JARID2: variants seen among roughly 807,000 people sequenced by gnomAD.
JARID2 encodes jumonji and AT-rich interaction domain containing 2.
Under a neutral mutation model 125.6 loss-of-function variants are expected in JARID2, and 21 were observed. That is an observed-to-expected ratio of 0.17 (90% CI 0.12 to 0.24). The LOEUF (loss-of-function observed/expected upper bound fraction) is 0.24. Ranked by LOEUF, JARID2 falls within the 10% of genes least tolerant of loss-of-function variation. The pLI is 1.00. For synonymous variants in JARID2, 736 were observed against 661.6 expected (o/e 1.11, Z -1.73); for missense variants, 1,303 against 1,639.6 (o/e 0.79, Z 3.55).
At chr6:15,519,081 G>A (rs749402914) in intron 17 of JARID2, among the ~76,000 whole-genome samples, 2 of 152,222 alleles carry the variant, frequency 1.3e-5, no homozygotes, top group Non-Finnish European at 2.9e-5. Context: ...AGCCTAGTGT[G>A]AGAGCACTGG....
At chr6:15,432,537 T>C (rs1767013525) in intron 3 of JARID2, among the ~76,000 whole-genome samples, 1 of 152,202 alleles carries the variant, frequency 6.6e-6, no homozygotes. Flanking sequence ...TCAGTAGCAC[T>C]GGTTGCAGAA....
chr6:15,487,402 C>A lies in JARID2; in HGVS notation c.766C>A (p.His256Asn), dbSNP rs751710718. 4 of 1,614,264 alleles carry A rather than the reference C, an allele frequency of 2.5e-6. 1 individual carries two copies. The highest frequency in any genetic ancestry group is 2.5e-6 in the Non-Finnish European group (3 of 1,180,048). ...ATPAKEKHSD[H>N]RADSRREQAS... Reference sequence around the variant, plus strand: ...TCCCGCAAAGGAGAAGCACAGCGATCACCGGGCTGACAGCCGCCGGGAGCA... The same window carrying A: ...TCCCGCAAAGGAGAAGCACAGCGATAACCGGGCTGACAGCCGCCGGGAGCA... Residue 256 changes from histidine (H) to asparagine (N), a missense_variant, in exon 6 of 18, where the codon CAC (histidine) becomes AAC (asparagine). His to Asn is a moderately conservative substitution (Grantham distance 68). Transcript: ENST00000341776.
At chr6:15,446,753 A>G (rs1767686471) in intron 3 of JARID2, among the ~76,000 whole-genome samples, 1 of 152,322 alleles carries the variant, frequency 6.6e-6, no homozygotes, top group Admixed American at 6.5e-5. Context: ...GATTTTGGTT[A>G]TGAATGAGGG....
chr6:15,471,548 G>A (rs1486958170), intron 5 of JARID2, among the ~76,000 whole-genome samples: 1 of 152,172 alleles, frequency 6.6e-6, no homozygotes, highest in African/African-American at 2.4e-5. Context: ...GATTGGGCAG[G>A]TGAATTTATC....
chr6:15,509,170 G>C, intron 12 of JARID2: 1 of 1,283,054 alleles, frequency 7.8e-7, no homozygotes, highest in East Asian at 5.6e-5. Context: ...CTGTAATCCT[G>C]ACTCTCACTG....
chr6:15,509,105 C>T, intron 12 of JARID2: 1 of 1,289,114 alleles, frequency 7.8e-7, no homozygotes, highest in Non-Finnish European at 1.0e-6. Context: ...TTCTGGGTCC[C>T]CGCCTGTAAT....
chr6:15,396,413 A>G (rs977368178), intron 2 of JARID2, among the ~76,000 whole-genome samples: 14 of 152,314 alleles, frequency 9.2e-5, no homozygotes, highest in Admixed American at 7.8e-4. Flanking sequence ...AATCATAGCT[A>G]TGTGTACTAT....
intron 1 of JARID2, among the ~76,000 whole-genome samples, chr6:15,295,270 C>G (rs1411692079): frequency 6.6e-6 from 1 of 151,712 alleles, no homozygotes; most frequent in Non-Finnish European, 1.5e-5. Context: ...TACAGGCGCC[C>G]GCCAACACGC....
intron 2 of JARID2, among the ~76,000 whole-genome samples, chr6:15,376,483 A>C (rs1764359035): frequency 6.6e-6 from 1 of 152,146 alleles, no homozygotes; most frequent in South Asian, 2.1e-4. Flanking sequence ...TGAAAGGCCG[A>C]GGAGGGAGGA....
intron 17 of JARID2, 36 bp from the exon 18 acceptor site, chr6:15,520,033 G>T (rs1239597679): frequency 1.3e-6 from 2 of 1,577,428 alleles, no homozygotes; most frequent in African/African-American, 2.7e-5. Flanking sequence ...TGTTAATACG[G>T]TATGTTAACT....
chr6:15,513,190 G>A, intron 15 of JARID2, 49 bp from the exon 16 acceptor site: 1 of 1,558,646 alleles, frequency 6.4e-7, no homozygotes, highest in Non-Finnish European at 8.7e-7. Context: ...CTGCTGGTGA[G>A]CATGGCAGGC....
intron 1 of JARID2, among the ~76,000 whole-genome samples, chr6:15,254,857 T>TG (rs1377927214): frequency 6.6e-6 from 1 of 151,884 alleles, no homozygotes; most frequent in African/African-American, 2.4e-5. Flanking sequence ...CTGGCCAACA[T>TG]GGTGAAACTC....
chr6:15,452,763 A>G (rs1767979244), intron 4 of JARID2, among the ~76,000 whole-genome samples: 1 of 152,192 alleles, frequency 6.6e-6, no homozygotes, highest in East Asian at 1.9e-4. Context: ...GTTATTTGTG[A>G]AAGTGTTTGT....
intron 1 of JARID2, among the ~76,000 whole-genome samples, chr6:15,295,104 ATTTCTTTTTTTTTTC>A (rs1479373165): frequency 7.0e-5 from 10 of 143,180 alleles, no homozygotes; most frequent in East Asian, 2.1e-4. Flanking sequence ...CAGATGTGTC[ATTTCTTTTTTTTTTC>A]TTTCTTTTTT....
At chr6:15,520,047 T>C (rs1216703250) in intron 17 of JARID2, 22 bp from the exon 18 acceptor site, 2 of 1,603,244 alleles carry the variant, frequency 1.2e-6, no homozygotes, top group Middle Eastern at 1.7e-4. Context: ...GTTAACTGTG[T>C]CTTCCTTTCA....
Position 15,322,483 on chromosome 6 carries a change from A to G in JARID2, c.46-51634A>G, listed in dbSNP as rs955715211. 1.8e-4 allele frequency among the ~76,000 whole-genome samples: 27 copies of G among 152,198 alleles called. 1 individual carries two copies. The highest frequency in any genetic ancestry group is 1.0e-3 in the Admixed American group (16 of 15,280). ...ATACACTGGCTAGGTGTGTGCTTTT[A>G]AGTAACATTCTTCTCTGATTCCTTT... On this transcript the variant is annotated intron_variant, in intron 1 of 17. Coordinates refer to ENST00000341776, the MANE Select transcript of JARID2 (RefSeq NM_004973.4).
intron 1 of JARID2, among the ~76,000 whole-genome samples, chr6:15,292,971 C>T (rs1423716931): frequency 6.6e-6 from 1 of 152,212 alleles, no homozygotes; most frequent in African/African-American, 2.4e-5. Flanking sequence ...CATGCCCAGC[C>T]TAAGTTGTAA....
chr6:15,288,963 T>C (rs1161176374), intron 1 of JARID2, among the ~76,000 whole-genome samples: 1 of 152,150 alleles, frequency 6.6e-6, no homozygotes, highest in Non-Finnish European at 1.5e-5. Context: ...CAGTGGATAG[T>C]GGAGCTCAGA....
chr6:15,515,162 C>G (rs559634300), intron 16 of JARID2, among the ~76,000 whole-genome samples: 1 of 152,196 alleles, frequency 6.6e-6, no homozygotes, highest in Admixed American at 6.5e-5. Flanking sequence ...ACCTCAGCCT[C>G]CTGAGTAGCT....
Sources: gnomAD v4.1 joint callset for allele counts (sites outside exome capture counted in the v4.1 genomes callset) on GRCh38, gnomAD v4.1.1 for gene constraint, MANE v1.5 for transcripts, NCBI Gene and HGNC (gene_info 2026-07-23, HGNC 2026-07-21) for gene names.